The following FLI1 variants were observed in gnomAD, a reference collection of about 807,000 sequenced individuals.
FLI1 encodes the protein Friend leukemia integration 1 transcription factor.
A neutral mutation model predicts 53.1 loss-of-function variants in FLI1; 13 were observed. That is an observed-to-expected ratio of 0.24 (90% CI 0.16 to 0.39). The LOEUF is 0.39. Ranked by LOEUF, FLI1 falls within the 10% of genes least tolerant of loss-of-function variation. FLI1 has a pLI of 1.00. For missense variants in FLI1, 424 were observed against 600.5 expected, an observed-to-expected ratio of 0.71 and a Z score of 3.07; for synonymous variants, 244 against 236.7, an observed-to-expected ratio of 1.03 and a Z score of -0.28.
chr11:128,794,289 C>A (rs961398985), intron 5 of FLI1, among the ~76,000 whole-genome samples: 2 of 152,234 alleles, frequency 1.3e-5, no homozygotes, highest in African/African-American at 2.4e-5. Context: ...GCCTATAATG[C>A]TCTGCCAGGG....
chr11:128,688,041 G>A (rs1937609652), intron 1 of FLI1, among the ~76,000 whole-genome samples: 1 of 152,162 alleles, frequency 6.6e-6, no homozygotes, highest in African/African-American at 2.4e-5. Flanking sequence ...GAGTACTCGG[G>A]TACTCCCACC....
intron 1 of FLI1, among the ~76,000 whole-genome samples, chr11:128,703,039 A>G (rs1198677557): frequency 6.6e-6 from 1 of 152,264 alleles, no homozygotes; most frequent in African/African-American, 2.4e-5. Flanking sequence ...AATGCTATGA[A>G]TAGACAACAC....
chr11:128,784,206 T>A (rs1942011817), intron 5 of FLI1, among the ~76,000 whole-genome samples: 1 of 149,066 alleles, frequency 6.7e-6, no homozygotes, highest in Admixed American at 6.7e-5. Context: ...CAAGTTGAAA[T>A]GTGTTGCTAA....
At chr11:128,688,422 C>T (rs1397797015) in intron 1 of FLI1, among the ~76,000 whole-genome samples, 1 of 152,196 alleles carries the variant, frequency 6.6e-6, no homozygotes, top group Non-Finnish European at 1.5e-5. Flanking sequence ...GAAAGGTCTG[C>T]GTGGCAGGGA....
At chr11:128,794,284 T>C (rs1005621256) in intron 5 of FLI1, among the ~76,000 whole-genome samples, 2 of 152,256 alleles carry the variant, frequency 1.3e-5, no homozygotes, top group Non-Finnish European at 2.9e-5. Context: ...GACAGGCCTA[T>C]AATGCTCTGC....
chr11:128,797,994 G>T (rs1416543134), intron 5 of FLI1, among the ~76,000 whole-genome samples: 2 of 152,074 alleles, frequency 1.3e-5, no homozygotes, highest in Non-Finnish European at 2.9e-5. Context: ...TATCCCCTAT[G>T]GCCAAGGAGA....
At chr11:128,757,476 T>C in intron 1 of FLI1, among the ~76,000 whole-genome samples, 1 of 152,180 alleles carries the variant, frequency 6.6e-6, no homozygotes, top group East Asian at 1.9e-4. Flanking sequence ...GAGCATTTCT[T>C]ACAAGCTACA....
chr11:128,715,803 A>C (rs1225772532), intron 1 of FLI1, among the ~76,000 whole-genome samples: 2 of 152,244 alleles, frequency 1.3e-5, no homozygotes, highest in East Asian at 3.8e-4. Context: ...AGTCCTGAGC[A>C]TGCTGGGGCC....
chr11:128,693,749 C>T (rs1391833187), upstream of FLI1: 5 of 233,478 alleles, frequency 2.1e-5, no homozygotes, highest in Non-Finnish European at 4.2e-5. Flanking sequence ...CGTCATTGTT[C>T]CCGGCTAGCT....
At chr11:128,755,937 G>T (rs1464609959) in intron 1 of FLI1, among the ~76,000 whole-genome samples, 1 of 152,068 alleles carries the variant, frequency 6.6e-6, no homozygotes, top group Admixed American at 6.5e-5. Context: ...CTCCCTTTTT[G>T]AATTATGGCT....
chr11:128,766,074 G>A (rs1941329115), intron 2 of FLI1, among the ~76,000 whole-genome samples: 1 of 152,106 alleles, frequency 6.6e-6, no homozygotes, highest in South Asian at 2.1e-4. Context: ...CATGTGTTCT[G>A]TGTTGGAGTG....
At chr11:128,776,884 T>C (rs527825137) in intron 4 of FLI1, among the ~76,000 whole-genome samples, 2 of 152,216 alleles carry the variant, frequency 1.3e-5, no homozygotes, top group Admixed American at 6.5e-5. Flanking sequence ...CAAGGCAGCC[T>C]CACTCCCGGC....
intron 1 of FLI1, among the ~76,000 whole-genome samples, chr11:128,731,932 G>T (rs1475050895): frequency 6.6e-6 from 1 of 152,112 alleles, no homozygotes; most frequent in African/African-American, 2.4e-5. Context: ...CGAACCGGGA[G>T]GCGGAGGTTG....
chr11:128,782,646 C>A (rs1046119424), intron 5 of FLI1, among the ~76,000 whole-genome samples: 1 of 152,114 alleles, frequency 6.6e-6, no homozygotes, highest in South Asian at 2.1e-4. Context: ...TGCAATGAGC[C>A]GAGTTCGCGC....
At chr11:128,743,191 C>T (rs1940211949) in intron 1 of FLI1, among the ~76,000 whole-genome samples, 1 of 152,026 alleles carries the variant, frequency 6.6e-6, no homozygotes, top group Non-Finnish European at 1.5e-5. Flanking sequence ...AGTTCAAGAC[C>T]AGCCTAGGCA....
At chr11:128,705,784 G>A (rs1173070177) in intron 1 of FLI1, among the ~76,000 whole-genome samples, 3 of 152,068 alleles carry the variant, frequency 2.0e-5, no homozygotes, top group Admixed American at 6.5e-5. Flanking sequence ...TTTTCCTTTG[G>A]CAGAACAAAG....
intron 1 of FLI1, among the ~76,000 whole-genome samples, chr11:128,704,738 A>G (rs1407641385): frequency 2.6e-5 from 4 of 152,196 alleles, no homozygotes; most frequent in Admixed American, 1.3e-4. Flanking sequence ...TTGAAACTGT[A>G]TCACCCACCA....
At chr11:128,736,070 C>T (rs891412243) in intron 1 of FLI1, among the ~76,000 whole-genome samples, 5 of 152,298 alleles carry the variant, frequency 3.3e-5, no homozygotes, top group Admixed American at 2.0e-4. Context: ...ATCCATCTAG[C>T]GTAACACTGA....
chr11:128,768,531 A>G (rs796292413), intron 3 of FLI1: 12 of 403,506 alleles, frequency 3.0e-5, no homozygotes, highest in Admixed American at 3.9e-5. Flanking sequence ...AAAAAAAAAA[A>G]TACAAAAATT....
Sources: allele counts gnomAD v4.1 joint callset (sites outside exome capture counted in the v4.1 genomes callset), GRCh38; gene constraint gnomAD v4.1.1; transcripts MANE v1.5; gene names NCBI Gene and HGNC (gene_info 2026-07-23, HGNC 2026-07-21).